KIAA0513: variants seen among roughly 807,000 people sequenced by gnomAD.
The protein encoded by KIAA0513 is uncharacterized protein KIAA0513.
KIAA0513 carries 39 observed loss-of-function variants against 56.5 expected under a neutral mutation model. That is an observed-to-expected ratio of 0.69 (90% confidence interval 0.53 to 0.90). KIAA0513 has a LOEUF of 0.90. Among genes scored for constraint, KIAA0513 ranks in the 40% least tolerant of loss-of-function variants. The pLI is 0.00. For missense variants in KIAA0513, 591 were observed against 535.2 expected, an observed-to-expected ratio of 1.10 and a Z score of -1.03; for synonymous variants, 268 against 215.6, an observed-to-expected ratio of 1.24 and a Z score of -2.13.
chr16:85,069,014 C>T (rs1360252404), intron 2 of KIAA0513, among the ~76,000 whole-genome samples: 2 of 152,036 alleles, frequency 1.3e-5, no homozygotes, highest in African/African-American at 2.4e-5. Context: ...GTTAGCCATA[C>T]TGGTGTGCTC....
rs2073899293 is a variant in KIAA0513, at chr16:85,094,215, A to C, written c.*5890A>C. The C allele has an allele frequency of 1.3e-5, 2 of 152,226 alleles. No individual in the cohort carries two copies. The highest frequency in any genetic ancestry group is 2.9e-5 in the Non-Finnish European group (2 of 68,038). The allele number at this position is 152,226 out of a possible 1,614,324, so 9.4% of individuals were successfully genotyped here. On this transcript the variant is annotated 3_prime_UTR_variant, in exon 13 of 13. Transcript: ENST00000683363. The stretch of plus-strand genomic sequence containing the variant: ...CAGAAGGTAGAAACTGAAATAAACT[A>C]ACTTTAAAAAAAAAAGTCTGTTTAA...
chr16:85,056,638 A>G (rs1041006377), intron 1 of KIAA0513, among the ~76,000 whole-genome samples: 5 of 152,094 alleles, frequency 3.3e-5, no homozygotes, highest in African/African-American at 1.2e-4. Flanking sequence ...GCGCTCGCCG[A>G]GAGCCCTTTG....
At chr16:85,041,743 C>T (rs374430241) in intron 1 of KIAA0513, among the ~76,000 whole-genome samples, 2 of 152,178 alleles carry the variant, frequency 1.3e-5, no homozygotes, top group African/African-American at 2.4e-5. Context: ...ACAAGCCACC[C>T]GGGGAAGGAG....
Position 85,093,756 on chromosome 16 carries a change from C to A in KIAA0513, c.*5431C>A, listed in dbSNP as rs959279793. 6.6e-5 allele frequency: 10 copies of A among 152,252 alleles called. No homozygotes were observed. Among genetic ancestry groups the A allele is most frequent in the African/African-American group, 2.2e-4 (9 of 41,444 alleles). 9.4% of individuals were successfully genotyped at this position (152,252 alleles called of 1,614,324 possible). Reference sequence around the variant, plus strand: ...GCCTGGGGCTGTTGCTTAGGGTCTTCTGGGTGGACACGTGGAGAAAGAGAA... The same window carrying A: ...GCCTGGGGCTGTTGCTTAGGGTCTTATGGGTGGACACGTGGAGAAAGAGAA... On this transcript the variant is annotated 3_prime_UTR_variant, in exon 13 of 13. Coordinates refer to ENST00000683363, the MANE Select transcript of KIAA0513 (RefSeq NM_001388359.1).
intron 1 of KIAA0513, among the ~76,000 whole-genome samples, chr16:85,047,439 C>T (rs768756849): frequency 3.3e-5 from 5 of 152,226 alleles, no homozygotes; most frequent in Non-Finnish European, 2.9e-5. Context: ...CAGTTATCAG[C>T]TCTGCCACGC....
At chr16:85,029,168 G>T (rs1447671254) in intron 1 of KIAA0513, among the ~76,000 whole-genome samples, 3 of 152,144 alleles carry the variant, frequency 2.0e-5, no homozygotes, top group African/African-American at 7.2e-5. Flanking sequence ...TGAAACACAG[G>T]ACGAAAGGCT....
At chr16:85,086,454 G>GCGGT (rs2073809535) in intron 10 of KIAA0513, among the ~76,000 whole-genome samples, 190 bp from the exon 11 acceptor site, 1 of 152,220 alleles carries the variant, frequency 6.6e-6, no homozygotes, top group South Asian at 2.1e-4. Context: ...GACCCCAAGC[G>GCGGT]CGGTGTGAGG....
intron 1 of KIAA0513, among the ~76,000 whole-genome samples, chr16:85,034,619 C>T (rs988678302): frequency 6.6e-6 from 1 of 152,092 alleles, no homozygotes; most frequent in Non-Finnish European, 1.5e-5. Flanking sequence ...GCGATGGGGG[C>T]AGTTTATCTT....
rs2073850092 is a variant in KIAA0513 at position 85,089,804 on chromosome 16, TC to T, written c.*1481del. The T allele has an allele frequency of 6.6e-6, 1 of 152,100 alleles. No individual in the cohort carries two copies. Among genetic ancestry groups the T allele is most frequent in the Non-Finnish European group, 1.5e-5 (1 of 68,026 alleles). The allele number at this position is 152,100 out of a possible 1,614,324, so 9.4% of individuals were successfully genotyped here. A position where few individuals can be genotyped will look rare whatever the true frequency, so the allele number is the denominator to read the frequency against. On this transcript the variant is annotated 3_prime_UTR_variant, in exon 13 of 13. Coordinates refer to ENST00000683363, the MANE Select transcript of KIAA0513 (RefSeq NM_001388359.1). This position sits in a 1 kb window ranked among gnomAD's most constrained non-coding sequence, Gnocchi z 4.2. ...TCCGGGGAATGCCTCCCTGGAATGT[TC>T]CAGAGACGGAACATTCTCTAGAGAC...
intron 1 of KIAA0513, among the ~76,000 whole-genome samples, chr16:85,056,089 C>T (rs1387599407): frequency 6.6e-6 from 1 of 152,240 alleles, no homozygotes; most frequent in East Asian, 1.9e-4. Flanking sequence ...AAGCCACAGC[C>T]AGCAGTTTCT....
intron 1 of KIAA0513, chr16:85,063,323 A>C (rs1388829577): frequency 6.6e-6 from 1 of 152,198 alleles, no homozygotes; most frequent in Non-Finnish European, 1.5e-5. Context: ...TGGAGTGCAG[A>C]GGCACGATCT....
chr16:85,054,822 G>A (rs1022747210), intron 1 of KIAA0513, among the ~76,000 whole-genome samples: 10 of 152,112 alleles, frequency 6.6e-5, no homozygotes, highest in East Asian at 1.9e-4. Flanking sequence ...GGCCTAAAGG[G>A]GATGGCAATG....
In KIAA0513 at chr16:85,067,380, G is replaced by T. The variant is rs760798040; in HGVS notation, c.309G>T (p.Val103=). The T allele has an allele frequency of 1.9e-6, 3 of 1,603,620 alleles. No homozygotes were observed. The highest frequency in any genetic ancestry group is 2.5e-6 in the Non-Finnish European group (3 of 1,179,538). Residue 103 remains valine, a synonymous_variant, in exon 2 of 13, where the codon GTG becomes GTT. Coordinates refer to ENST00000683363, the MANE Select transcript of KIAA0513 (RefSeq NM_001388359.1). ...LALRDFMRGY[V]EKIFSGGEDL... Reference sequence around the variant, plus strand: ...TCAGGGACTTCATGCGTGGCTACGTGGAGAAGATCTTCTCTGGAGGGTAAG... The same window carrying T: ...TCAGGGACTTCATGCGTGGCTACGTTGAGAAGATCTTCTCTGGAGGGTAAG...
chr16:85,042,039 T>G (rs1364915946), intron 1 of KIAA0513, among the ~76,000 whole-genome samples: 1 of 152,208 alleles, frequency 6.6e-6, no homozygotes, highest in African/African-American at 2.4e-5. Flanking sequence ...TCCTGGGGTT[T>G]TATTTGAGTA....
intron 1 of KIAA0513, among the ~76,000 whole-genome samples, chr16:85,053,463 C>G (rs1329941598): frequency 1.3e-5 from 2 of 152,102 alleles, no homozygotes; most frequent in South Asian, 2.1e-4. Flanking sequence ...GCATTCATAT[C>G]TGAATAATTA....
At chr16:85,073,067 C>G in intron 4 of KIAA0513, 69 bp downstream of exon 4, 2 of 1,304,288 alleles carry the variant, frequency 1.5e-6, no homozygotes, top group Admixed American at 1.7e-5. Context: ...TCCCTCCCCA[C>G]CCAGCCGTGT....
At chr16:85,050,343 AT>A (rs1567527327) in intron 1 of KIAA0513, among the ~76,000 whole-genome samples, 5 of 106,072 alleles carry the variant, frequency 4.7e-5, no homozygotes, top group African/African-American at 1.4e-4. Flanking sequence ...TTATTTATTT[AT>A]TTATTTATTT....
rs532397103 is a variant in KIAA0513 at position 85,045,356 on chromosome 16, A to G, written c.-173+17498A>G. ...TATTTGATACTTAAGCAGAGACCCA[A>G]TGACCTTGTTTGTTTGTTTGTGACA... On this transcript the variant is annotated intron_variant, in intron 1 of 12. Transcript: ENST00000683363. 6.6e-5 allele frequency among the ~76,000 whole-genome samples: 10 copies of G among 151,982 alleles called. No homozygotes were observed. In the East Asian group the frequency reaches 9.7e-4, roughly 15 times the overall value.
intron 2 of KIAA0513, among the ~76,000 whole-genome samples, chr16:85,070,031 C>T (rs894806013): frequency 1.3e-5 from 2 of 151,444 alleles, no homozygotes; most frequent in Non-Finnish European, 2.9e-5. Context: ...ATTAGCCAGG[C>T]ATGGTGGCAT....
Sources: allele counts gnomAD v4.1 joint callset (sites outside exome capture counted in the v4.1 genomes callset), GRCh38; gene constraint gnomAD v4.1.1; non-coding constraint Gnocchi (gnomAD v3.1); transcripts MANE v1.5; gene names NCBI Gene and HGNC (gene_info 2026-07-23, HGNC 2026-07-21).